MVB12B: variants seen among roughly 807,000 people sequenced by gnomAD.
MVB12B encodes ESCRT-I complex subunit MVB12B.
A neutral mutation model predicts 41.6 loss-of-function variants in MVB12B; 16 were observed. The observed-to-expected ratio is 0.38, with a 90% CI of 0.26 to 0.58. The LOEUF is 0.58. Among genes scored for constraint, MVB12B ranks in the 20% least tolerant of loss-of-function variants. The pLI is 0.62. For synonymous variants in MVB12B, 133 were observed against 139.7 expected (o/e 0.95, Z 0.34); for missense variants, 274 against 380.2 (o/e 0.72, Z 2.32).
chr9:126,501,060 A>ACCAGG (rs1052371294), intron 9 of MVB12B, among the ~76,000 whole-genome samples: 2 of 152,200 alleles, frequency 1.3e-5, no homozygotes, highest in Non-Finnish European at 2.9e-5. Flanking sequence ...CCAGGCGGCC[A>ACCAGG]CCAGGTGGCA....
At chr9:126,390,154 G>C (rs1054953580) in intron 4 of MVB12B, among the ~76,000 whole-genome samples, 1 of 152,270 alleles carries the variant, frequency 6.6e-6, no homozygotes, top group Admixed American at 6.5e-5. Flanking sequence ...CCAATACCAA[G>C]CACAGGCATA....
At position 126,473,375 on chromosome 9, in the gene MVB12B, G is replaced by A. The variant is rs116139776; in HGVS notation, c.758-7994G>A. ...CAGCCAAGCCTCATAACTCCTCTAA[G>A]CCTTGCAAGTGGTGTATTAGTTCAT... On this transcript the variant is annotated intron_variant, in intron 7 of 9. Coordinates refer to ENST00000361171, the MANE Select transcript of MVB12B (RefSeq NM_033446.3). This position sits in a 1 kb window ranked among gnomAD's most constrained non-coding sequence, Gnocchi z 4.0. Among the ~76,000 whole-genome samples the A allele has an allele frequency of 1.5e-3, 235 of 152,308 alleles. 2 individuals are homozygous for A. The highest frequency in any genetic ancestry group is 6.8e-3 in the Middle Eastern group (2 of 294).
chr9:126,481,598 A>C (rs1192043571), intron 8 of MVB12B, among the ~76,000 whole-genome samples, 174 bp downstream of exon 8: 1 of 152,108 alleles, frequency 6.6e-6, no homozygotes. Flanking sequence ...CCTGCAACCC[A>C]GTGACAGGAA....
At chr9:126,491,859 G>A (rs908419607) in intron 9 of MVB12B, among the ~76,000 whole-genome samples, 3 of 152,090 alleles carry the variant, frequency 2.0e-5, no homozygotes, top group African/African-American at 7.2e-5. Flanking sequence ...TGGGACCACC[G>A]CTTCATAGAC....
intron 7 of MVB12B, among the ~76,000 whole-genome samples, chr9:126,439,158 C>T (rs1832569615): frequency 6.6e-6 from 1 of 152,088 alleles, no homozygotes. Flanking sequence ...GGAGTGGAAG[C>T]AGGCCTGCGT....
rs890533338 is a variant in MVB12B at position 126,376,250 on chromosome 9, G to T, written c.205-4814G>T. ...AACGTTTTCATAATACTCTGTTCTT[G>T]TTTGGTATTTGCAGTCTATTCACTC... On this transcript the variant is annotated intron_variant, in intron 2 of 9. Coordinates refer to ENST00000361171, the MANE Select transcript of MVB12B (RefSeq NM_033446.3). The surrounding 1 kb of genome is among the most constrained non-coding windows in gnomAD (Gnocchi z 4.1). 2.6e-5 allele frequency among the ~76,000 whole-genome samples: 4 copies of T among 152,252 alleles called. No individual in the cohort carries two copies. In the East Asian group the frequency reaches 7.7e-4, roughly 29 times the overall value.
At chr9:126,393,471 T>C (rs1193106105) in intron 5 of MVB12B, among the ~76,000 whole-genome samples, 2 of 152,196 alleles carry the variant, frequency 1.3e-5, no homozygotes, top group Non-Finnish European at 1.5e-5. Flanking sequence ...TTTAGTCTCA[T>C]TGGTCTTGAT....
intron 2 of MVB12B, among the ~76,000 whole-genome samples, chr9:126,372,423 A>G (rs949478545): frequency 6.6e-6 from 1 of 152,214 alleles, no homozygotes; most frequent in African/African-American, 2.4e-5. Flanking sequence ...TGCTAACTCT[A>G]TGTCTAACAT....
At chr9:126,370,730 G>A (rs1830314428) in intron 2 of MVB12B, among the ~76,000 whole-genome samples, 1 of 152,002 alleles carries the variant, frequency 6.6e-6, no homozygotes, top group South Asian at 2.1e-4. Context: ...TATTGTCACT[G>A]TGCACTGCTC....
chr9:126,340,029 A>G lies in MVB12B; in HGVS notation c.82-479A>G, dbSNP rs1302042736. 1.3e-5 allele frequency among the ~76,000 whole-genome samples: 2 copies of G among 152,118 alleles called. No individual in the cohort carries two copies. The highest frequency in any genetic ancestry group is 4.8e-5 in the African/African-American group (2 of 41,416). On this transcript the variant is annotated intron_variant, in intron 1 of 9. Transcript: ENST00000361171. This position sits in a 1 kb window ranked among gnomAD's most constrained non-coding sequence, Gnocchi z 4.0. ...GAACACTTATTTCTGTGTTTGCAAC[A>G]TTCCTTGCTTCTTTGCAAAGCTCTG...
intron 2 of MVB12B, among the ~76,000 whole-genome samples, chr9:126,342,184 A>C (rs969122646): frequency 6.6e-6 from 1 of 152,354 alleles, no homozygotes; most frequent in East Asian, 1.9e-4. Context: ...GCAGCAAGTC[A>C]TGAATCAAGG....
intron 6 of MVB12B, among the ~76,000 whole-genome samples, chr9:126,409,794 G>A (rs1480083650): frequency 1.3e-5 from 2 of 152,172 alleles, no homozygotes; most frequent in Non-Finnish European, 2.9e-5. Context: ...AGTCTTCCAG[G>A]CTTTCTCCCA....
Position 126,376,381 on chromosome 9 carries a change from C to G in MVB12B, c.205-4683C>G. 1.6e-6 allele frequency: 1 copy of G among 609,368 alleles called. No individual in the cohort carries two copies. The highest frequency in any genetic ancestry group is 2.7e-6 in the Non-Finnish European group (1 of 376,344). 37.7% of individuals were successfully genotyped at this position (609,368 alleles called of 1,614,324 possible). A position where few individuals can be genotyped will look rare whatever the true frequency, so the allele number is the denominator to read the frequency against. On this transcript the variant is annotated intron_variant, in intron 2 of 9. Transcript: ENST00000361171. This position sits in a 1 kb window ranked among gnomAD's most constrained non-coding sequence, Gnocchi z 4.1. ...AAGCTCCCTTTTTTCTATTTTGGGC[C>G]CTTCTGTCATGTCTGAGCCTGTCCC...
intron 7 of MVB12B, among the ~76,000 whole-genome samples, chr9:126,479,881 G>A (rs1833491156): frequency 6.6e-6 from 1 of 152,236 alleles, no homozygotes; most frequent in Non-Finnish European, 1.5e-5. Context: ...CGTAGCATGA[G>A]CCATTCGGCT....
At chr9:126,417,769 G>A (rs1831869747) in intron 6 of MVB12B, among the ~76,000 whole-genome samples, 2 of 152,226 alleles carry the variant, frequency 1.3e-5, no homozygotes, top group Non-Finnish European at 1.5e-5. Context: ...AGTGTACTGT[G>A]ATACCTGGAG....
intron 9 of MVB12B, among the ~76,000 whole-genome samples, chr9:126,489,956 A>C (rs888650713): frequency 2.0e-5 from 3 of 152,016 alleles, no homozygotes; most frequent in Non-Finnish European, 4.4e-5. Flanking sequence ...GCTCTGCAGG[A>C]GGGCAGTGGG....
intron 7 of MVB12B, among the ~76,000 whole-genome samples, chr9:126,479,013 C>T (rs1011297465): frequency 6.6e-6 from 1 of 152,096 alleles, no homozygotes; most frequent in Non-Finnish European, 1.5e-5. Flanking sequence ...AGTACCTGGG[C>T]GTGCAGAGAG....
intron 7 of MVB12B, among the ~76,000 whole-genome samples, chr9:126,430,469 A>G (rs1424005733): frequency 6.6e-6 from 1 of 151,722 alleles, no homozygotes; most frequent in Non-Finnish European, 1.5e-5. Flanking sequence ...CCCGCTGCTG[A>G]TGCTCTCTCC....
intron 9 of MVB12B, among the ~76,000 whole-genome samples, chr9:126,492,347 C>A (rs1349278883): frequency 2.6e-5 from 4 of 151,886 alleles, no homozygotes; most frequent in Non-Finnish European, 4.4e-5. Context: ...AATTACACCG[C>A]TGCAATAGAT....
Sources: allele counts gnomAD v4.1 joint callset (sites outside exome capture counted in the v4.1 genomes callset), GRCh38; gene constraint gnomAD v4.1.1; non-coding constraint Gnocchi (gnomAD v3.1); transcripts MANE v1.5; gene names NCBI Gene and HGNC (gene_info 2026-07-23, HGNC 2026-07-21).